Variants in MBOAT2 observed in about 807,000 individuals in gnomAD.
MBOAT2 encodes the protein membrane-bound glycerophospholipid O-acyltransferase 2.
A neutral mutation model predicts 63.4 loss-of-function variants in MBOAT2; 28 were observed. The ratio of observed to expected loss-of-function variants is 0.44; its 90% confidence interval spans 0.33 to 0.61. The LOEUF (loss-of-function observed/expected upper bound fraction) is 0.61, where lower values mean the gene tolerates loss of function less well. Among genes scored for constraint, MBOAT2 ranks in the 20% least tolerant of loss-of-function variants. The pLI is 0.03. For synonymous variants in MBOAT2, 211 were observed against 215.6 expected (o/e 0.98, Z 0.19); for missense variants, 470 against 605.8 (o/e 0.78, Z 2.35).
intron 3 of MBOAT2, among the ~76,000 whole-genome samples, chr2:8,941,866 A>G (rs1484623071): frequency 6.6e-6 from 1 of 152,194 alleles, no homozygotes; most frequent in African/African-American, 2.4e-5. Flanking sequence ...CTAACCTTCC[A>G]ACTGAAAAGC....
intron 1 of MBOAT2, among the ~76,000 whole-genome samples, chr2:8,981,550 T>G (rs1444488766): frequency 6.6e-6 from 1 of 152,148 alleles, no homozygotes; most frequent in Non-Finnish European, 1.5e-5. Flanking sequence ...GAGAAGACGA[T>G]GCTCTCCCTT....
chr2:8,983,555 G>C (rs1376338186), intron 1 of MBOAT2, among the ~76,000 whole-genome samples: 1 of 152,190 alleles, frequency 6.6e-6, no homozygotes, highest in Admixed American at 6.5e-5. Flanking sequence ...TAAAGGGAGT[G>C]TTCCAGACTT....
chr2:8,905,213 G>A (rs968217338), intron 4 of MBOAT2, among the ~76,000 whole-genome samples: 11 of 152,096 alleles, frequency 7.2e-5, no homozygotes, highest in Admixed American at 3.9e-4. Flanking sequence ...TGATATTCAC[G>A]CTAATTAGGA....
At chr2:8,982,926 G>A (rs931784170) in intron 1 of MBOAT2, among the ~76,000 whole-genome samples, 1 of 152,164 alleles carries the variant, frequency 6.6e-6, no homozygotes, top group Admixed American at 6.5e-5. Flanking sequence ...AGGGACCATA[G>A]CGGATCTGAT....
chr2:8,963,657 A>G (rs1434357513), intron 1 of MBOAT2, among the ~76,000 whole-genome samples: 2 of 152,192 alleles, frequency 1.3e-5, no homozygotes, highest in Admixed American at 1.3e-4. Flanking sequence ...TAATTATATA[A>G]ATCTGTATAT....
At chr2:8,875,644 T>A (rs554935316) in intron 7 of MBOAT2, among the ~76,000 whole-genome samples, 62 of 152,236 alleles carry the variant, frequency 4.1e-4, no homozygotes, top group Non-Finnish European at 7.5e-4. Flanking sequence ...TCTTGACTCC[T>A]AGGCTTTTAT....
chr2:8,881,486 C>G (rs1285548044), intron 6 of MBOAT2, among the ~76,000 whole-genome samples: 1 of 152,102 alleles, frequency 6.6e-6, no homozygotes, highest in Non-Finnish European at 1.5e-5. Context: ...CAGTGTTTTT[C>G]TACTCAGCAT....
intron 3 of MBOAT2, among the ~76,000 whole-genome samples, chr2:8,933,375 G>A (rs1056650169): frequency 6.6e-5 from 10 of 152,112 alleles, no homozygotes; most frequent in African/African-American, 2.4e-4. Flanking sequence ...CAGAAACAGG[G>A]TCTTGCTCTG....
At chr2:8,889,405 C>CTT (rs1663820756) in intron 4 of MBOAT2, among the ~76,000 whole-genome samples, 2 of 152,218 alleles carry the variant, frequency 1.3e-5, no homozygotes, top group Non-Finnish European at 2.9e-5. Context: ...GACAAATGTT[C>CTT]TTAAACTGGA....
In MBOAT2 at chr2:8,856,991, A is replaced by C. The variant is rs971981865; in HGVS notation, c.*1688T>G. ...ATAGATTAGGATATTTCTAAACTTC[A>C]AAAAAGACACATGCCCATTTTTGCT... On this transcript the variant is annotated 3_prime_UTR_variant, in exon 13 of 13. Coordinates refer to ENST00000305997, the MANE Select transcript of MBOAT2 (RefSeq NM_138799.4). The surrounding 1 kb of genome is among the most constrained non-coding windows in gnomAD (Gnocchi z 4.2). 2.0e-5 allele frequency: 3 copies of C among 152,620 alleles called. No individual in the cohort carries two copies. Among genetic ancestry groups the C allele is most frequent in the African/African-American group, 4.8e-5 (2 of 41,458 alleles). 9.5% of individuals were successfully genotyped at this position (152,620 alleles called of 1,614,324 possible). A position where few individuals can be genotyped will look rare whatever the true frequency, so the allele number is the denominator to read the frequency against.
At chr2:8,930,034 T>C (rs1558626501) in intron 3 of MBOAT2, among the ~76,000 whole-genome samples, 1 of 152,214 alleles carries the variant, frequency 6.6e-6, no homozygotes, top group Non-Finnish European at 1.5e-5. Context: ...CCCATTTTTC[T>C]GTGACCAGCA....
At chr2:8,918,489 G>GT (rs1160506335) in intron 3 of MBOAT2, among the ~76,000 whole-genome samples, 3 of 151,992 alleles carry the variant, frequency 2.0e-5, no homozygotes, top group Non-Finnish European at 4.4e-5. Flanking sequence ...GTGAACACAT[G>GT]TTACTGGAAA....
At chr2:8,880,597 C>G (rs897104321) in intron 6 of MBOAT2, among the ~76,000 whole-genome samples, 3 of 152,200 alleles carry the variant, frequency 2.0e-5, no homozygotes, top group African/African-American at 7.2e-5. Context: ...GATGGCCTTT[C>G]AAGCCAATGG....
intron 3 of MBOAT2, among the ~76,000 whole-genome samples, 193 bp from the exon 4 acceptor site, chr2:8,908,909 C>T (rs999168995): frequency 5.3e-5 from 8 of 152,128 alleles, no homozygotes; most frequent in Non-Finnish European, 1.0e-4. Context: ...TGACTATCAC[C>T]TTCAATGGTA....
chr2:8,861,379 C>G (rs775070855), intron 11 of MBOAT2, among the ~76,000 whole-genome samples: 31 of 152,058 alleles, frequency 2.0e-4, no homozygotes, highest in Non-Finnish European at 4.1e-4. Context: ...AACTTGAACA[C>G]CAGGTAGGGA....
chr2:8,855,891 T>C lies in MBOAT2; in HGVS notation c.*2788A>G, dbSNP rs749762976. The C allele has an allele frequency of 1.3e-5, 2 of 152,170 alleles. No individual in the cohort carries two copies. Among genetic ancestry groups the C allele is most frequent in the Non-Finnish European group, 2.9e-5 (2 of 68,022 alleles). 9.4% of individuals were successfully genotyped at this position (152,170 alleles called of 1,614,324 possible). ...TAGTGGAAAATATAAAACATAAATATGCATTGAATCTTATTCTATTGATTA... is the reference window on the plus strand; with the variant it reads ...TAGTGGAAAATATAAAACATAAATACGCATTGAATCTTATTCTATTGATTA... On this transcript the variant is annotated 3_prime_UTR_variant, in exon 13 of 13. Transcript: ENST00000305997.
chr2:8,987,193 T>C (rs1310537148), intron 1 of MBOAT2, among the ~76,000 whole-genome samples: 1 of 152,180 alleles, frequency 6.6e-6, no homozygotes, highest in East Asian at 1.9e-4. Context: ...TTCACAACTT[T>C]CCACAAATTT....
In MBOAT2 at chr2:8,892,527, A is replaced by G. The variant is rs1369045967; in HGVS notation, c.396-4454T>C. Among the ~76,000 whole-genome samples, 3 of 152,358 alleles carry G rather than the reference A, an allele frequency of 2.0e-5. No individual in the cohort carries two copies. The East Asian group carries it at 5.8e-4, about 29-fold the overall frequency. ...GCACCAAGTACTGTTCTATGTGCCAAAGATACAATGTGAACAAGACAGGCC... is the reference window on the plus strand; with the variant it reads ...GCACCAAGTACTGTTCTATGTGCCAGAGATACAATGTGAACAAGACAGGCC... On this transcript the variant is annotated intron_variant, in intron 4 of 12. Transcript: ENST00000305997.
chr2:8,964,117 C>T (rs942744082), intron 1 of MBOAT2, among the ~76,000 whole-genome samples: 18 of 152,192 alleles, frequency 1.2e-4, no homozygotes, highest in African/African-American at 4.1e-4. Context: ...TAATACTACA[C>T]GTACAATGAA....
Sources: gnomAD v4.1 joint callset for allele counts (sites outside exome capture counted in the v4.1 genomes callset) on GRCh38, gnomAD v4.1.1 for gene constraint, Gnocchi (gnomAD v3.1) non-coding constraint, MANE v1.5 for transcripts, NCBI Gene and HGNC (gene_info 2026-07-23, HGNC 2026-07-21) for gene names.